Variants in ARHGAP44 observed in about 807,000 individuals in gnomAD.
ARHGAP44 encodes the protein Rho GTPase activating protein 44, also known as rho GTPase-activating protein 44.
In ARHGAP44, 43 loss-of-function variants were observed where a neutral mutation model predicts 106.8. The ratio of observed to expected loss-of-function variants is 0.40; its 90% CI spans 0.32 to 0.52. ARHGAP44 has a LOEUF of 0.52. Among genes scored for constraint, ARHGAP44 ranks in the 20% least tolerant of loss-of-function variants. The pLI, the probability that ARHGAP44 is intolerant of heterozygous loss-of-function variation, is 0.48. For synonymous variants in ARHGAP44, 439 were observed against 410.3 expected, an observed-to-expected ratio of 1.07 and a Z score of -0.85; for missense variants, 866 against 1,050.5, an observed-to-expected ratio of 0.82 and a Z score of 2.43.
chr17:12,974,051 T>C, intron 17 of ARHGAP44, 38 bp from the exon 18 acceptor site: 1 of 1,542,206 alleles, frequency 6.5e-7, no homozygotes, highest in Non-Finnish European at 8.8e-7. Flanking sequence ...TGTCATCTGT[T>C]ACGCGTGGGT....
chr17:12,792,144 C>A (rs149636336), intron 1 of ARHGAP44, among the ~76,000 whole-genome samples: 1 of 152,116 alleles, frequency 6.6e-6, no homozygotes, highest in South Asian at 2.1e-4. Flanking sequence ...TTGAGGATTT[C>A]GTTTTTACTG....
Position 12,958,925 on chromosome 17 carries a change from CTGGGGAT to C in ARHGAP44, c.1523+30_1523+36del, listed in dbSNP as rs747495282. ...ATGAACTGGTGTCTCTTTCTCAGCACTGGGGATTAGGGGAGGTGGTGGGGGTGGATGG... is the reference window on the plus strand; with the variant it reads ...ATGAACTGGTGTCTCTTTCTCAGCACTAGGGGAGGTGGTGGGGGTGGATGG... On this transcript the variant is annotated intron_variant, in intron 16 of 20. Coordinates refer to ENST00000379672, the MANE Select transcript of ARHGAP44 (RefSeq NM_014859.6). The surrounding 1 kb of genome is among the most constrained non-coding windows in gnomAD (Gnocchi z 4.1). 1 of 1,587,502 alleles carries C rather than the reference CTGGGGAT, an allele frequency of 6.3e-7. No homozygotes were observed. Among genetic ancestry groups the C allele is most frequent in the East Asian group, 2.3e-5 (1 of 43,948 alleles).
intron 1 of ARHGAP44, among the ~76,000 whole-genome samples, chr17:12,855,443 G>A (rs2035879695): frequency 3.3e-5 from 5 of 151,782 alleles, no homozygotes; most frequent in Admixed American, 2.6e-4. Flanking sequence ...TCTAAATTTG[G>A]AGTCCTGCTT....
At chr17:12,932,078 A>G (rs1237621668) in intron 7 of ARHGAP44, among the ~76,000 whole-genome samples, 2 of 152,068 alleles carry the variant, frequency 1.3e-5, no homozygotes, top group Non-Finnish European at 2.9e-5. Flanking sequence ...TACATTTTTA[A>G]ATTTTCATAC....
chr17:12,791,844 T>C (rs191670482), intron 1 of ARHGAP44, among the ~76,000 whole-genome samples: 13 of 152,298 alleles, frequency 8.5e-5, no homozygotes, highest in Admixed American at 7.8e-4. Context: ...TCTCCGTTGG[T>C]AGCCATTGTG....
At chr17:12,978,873 T>G (rs11078113) in intron 18 of ARHGAP44, among the ~76,000 whole-genome samples, 109,427 of 151,674 alleles carry the variant, frequency 0.72, 39,764 homozygotes, top group South Asian at 0.79. Context: ...ATTTTTAGTG[T>G]AGACAGGGTT....
At chr17:12,908,875 A>C in intron 3 of ARHGAP44, 22 bp from the exon 4 acceptor site, 1 of 1,593,716 alleles carries the variant, frequency 6.3e-7, no homozygotes. Context: ...AGCTTTCATT[A>C]CAGCATTTGC....
At chr17:12,895,023 T>G in intron 2 of ARHGAP44, 44 bp downstream of exon 2, 1 of 1,554,674 alleles carries the variant, frequency 6.4e-7, no homozygotes, top group African/African-American at 1.4e-5. Context: ...CAGAGATATA[T>G]GGGAGGCTGA....
At chr17:12,795,941 A>G (rs1392463626) in intron 1 of ARHGAP44, among the ~76,000 whole-genome samples, 1 of 152,164 alleles carries the variant, frequency 6.6e-6, no homozygotes, top group East Asian at 1.9e-4. Flanking sequence ...TTATTTTTAG[A>G]ATAAATGTTT....
intron 1 of ARHGAP44, among the ~76,000 whole-genome samples, chr17:12,845,516 A>AC (rs1567645042): frequency 0.011 from 1,623 of 142,534 alleles, 45 homozygotes; most frequent in African/African-American, 0.044. Context: ...CAAAAAAAAA[A>AC]AAAAAACAAA....
rs564612603 is a variant in ARHGAP44, at chr17:12,933,348, C to T, written c.582+4302C>T. Among the ~76,000 whole-genome samples the T allele has an allele frequency of 2.6e-5, 4 of 152,226 alleles. No homozygotes were observed. In the East Asian group the frequency reaches 7.7e-4, roughly 29 times the overall value. On this transcript the variant is annotated intron_variant, in intron 7 of 20. Coordinates refer to ENST00000379672, the MANE Select transcript of ARHGAP44 (RefSeq NM_014859.6). The stretch of plus-strand genomic sequence containing the variant: ...CTTTTTTGAGGACCAAGCAGAGCTC[C>T]CCAGATCTTTGGGAACCAGAGAGAT...
intron 1 of ARHGAP44, among the ~76,000 whole-genome samples, chr17:12,867,032 C>T (rs2150875345): frequency 6.6e-6 from 1 of 151,966 alleles, no homozygotes; most frequent in Non-Finnish European, 1.5e-5. Flanking sequence ...TATAGGGTAG[C>T]ATATTCTGAT....
intron 1 of ARHGAP44, among the ~76,000 whole-genome samples, chr17:12,821,376 T>C (rs2034766234): frequency 6.6e-6 from 1 of 152,210 alleles, no homozygotes; most frequent in Non-Finnish European, 1.5e-5. Flanking sequence ...GTCAGAAGGT[T>C]ATTCACAAAA....
Position 12,864,463 on chromosome 17 carries a change from G to T in ARHGAP44, c.54-30477G>T, listed in dbSNP as rs114477283. Among the ~76,000 whole-genome samples, 596 of 152,204 alleles carry T rather than the reference G, an allele frequency of 3.9e-3. 3 individuals are homozygous for T. The highest frequency in any genetic ancestry group is 0.013 in the African/African-American group (558 of 41,514). On this transcript the variant is annotated intron_variant, in intron 1 of 20. Coordinates refer to ENST00000379672, the MANE Select transcript of ARHGAP44 (RefSeq NM_014859.6). ...TTACTCCTTGTGATTAGGACATGAT[G>T]AGTATTTGCATCTAGTATTCTTCCA...
At chr17:12,955,291 G>T (rs887975363) in intron 13 of ARHGAP44, among the ~76,000 whole-genome samples, 1 of 151,970 alleles carries the variant, frequency 6.6e-6, no homozygotes, top group Admixed American at 6.6e-5. Flanking sequence ...TCCACCCTTC[G>T]GCTATTATTA....
intron 19 of ARHGAP44, 51 bp downstream of exon 19, chr17:12,980,284 C>T: frequency 6.5e-7 from 1 of 1,541,572 alleles, no homozygotes; most frequent in Non-Finnish European, 8.8e-7. Context: ...GTGGCTGTGA[C>T]ATTCCCTGAA....
intron 6 of ARHGAP44, among the ~76,000 whole-genome samples, chr17:12,922,462 G>C (rs960638560): frequency 2.0e-5 from 3 of 152,146 alleles, no homozygotes; most frequent in Admixed American, 6.5e-5. Flanking sequence ...AAGAAATGCA[G>C]ATTGCCCCAT....
intron 1 of ARHGAP44, among the ~76,000 whole-genome samples, chr17:12,808,570 G>T (rs1185541626): frequency 6.6e-6 from 1 of 152,234 alleles, no homozygotes; most frequent in Non-Finnish European, 1.5e-5. Context: ...CTGTACATTG[G>T]TCTCTTTTAG....
At chr17:12,952,624 A>T (rs1429499629) in intron 13 of ARHGAP44, 43 bp downstream of exon 13, 1 of 1,436,364 alleles carries the variant, frequency 7.0e-7, no homozygotes, top group Non-Finnish European at 9.5e-7. Flanking sequence ...GCTTGGGCTT[A>T]TGTAAGCCTC....
Sources: gnomAD v4.1 joint callset for allele counts (sites outside exome capture counted in the v4.1 genomes callset) on GRCh38, gnomAD v4.1.1 for gene constraint, Gnocchi (gnomAD v3.1) non-coding constraint, MANE v1.5 for transcripts, NCBI Gene and HGNC (gene_info 2026-07-23, HGNC 2026-07-21) for gene names.